The following PEAK1 variants were observed in gnomAD, a reference collection of about 807,000 sequenced individuals.
PEAK1 encodes pseudopodium enriched atypical kinase 1, also known as inactive tyrosine-protein kinase PEAK1.
In PEAK1, 54 loss-of-function variants were observed where a neutral mutation model predicts 124.7. The observed-to-expected ratio is 0.43, with a 90% confidence interval of 0.35 to 0.54. The LOEUF is 0.54. Ranked by LOEUF, PEAK1 falls within the 20% of genes least tolerant of loss-of-function variation. The pLI is 0.01. For missense variants in PEAK1, 2,046 were observed against 2,134.5 expected (o/e 0.96, Z 0.82); for synonymous variants, 719 against 760.0 (o/e 0.95, Z 0.89).
chr15:77,302,259 G>A (rs148814369), intron 2 of PEAK1, among the ~76,000 whole-genome samples: 220 of 152,142 alleles, frequency 1.4e-3, no homozygotes, highest in Non-Finnish European at 1.7e-3. Flanking sequence ...TTGACTTAGT[G>A]TACATTGTAA....
At chr15:77,347,465 C>G in intron 2 of PEAK1, 1 of 985,356 alleles carries the variant, frequency 1.0e-6, no homozygotes, top group Non-Finnish European at 1.2e-6. Context: ...AGATCAACAT[C>G]TAGGGCTGGC....
chr15:77,304,622 G>T (rs1271330090), intron 2 of PEAK1, among the ~76,000 whole-genome samples: 4 of 151,560 alleles, frequency 2.6e-5, no homozygotes, highest in Non-Finnish European at 5.9e-5. Context: ...CAATTTTTTT[G>T]TATTTTTAGT....
chr15:77,302,300 A>T (rs1217574650), intron 2 of PEAK1, among the ~76,000 whole-genome samples: 3 of 152,188 alleles, frequency 2.0e-5, no homozygotes. Flanking sequence ...ATATACATAT[A>T]TCTATAAACA....
chr15:77,219,194 C>T (rs923877552), intron 6 of PEAK1, among the ~76,000 whole-genome samples: 2 of 151,912 alleles, frequency 1.3e-5, no homozygotes, highest in African/African-American at 4.8e-5. Flanking sequence ...GAGGCAGTTC[C>T]AGAAGTGCAG....
chr15:77,274,124 CT>C (rs2062181483), intron 5 of PEAK1, among the ~76,000 whole-genome samples: 1 of 152,096 alleles, frequency 6.6e-6, no homozygotes, highest in Admixed American at 6.6e-5. Flanking sequence ...CAAAAATCCA[CT>C]CGAAATGGAC....
chr15:77,153,916 G>A (rs1489775804), intron 8 of PEAK1, among the ~76,000 whole-genome samples: 11 of 152,080 alleles, frequency 7.2e-5, no homozygotes, highest in African/African-American at 2.4e-4. Context: ...TATGTGGTCA[G>A]TTTTGGAATA....
chr15:77,348,717 C>T (rs2067020889), intron 2 of PEAK1: 2 of 984,618 alleles, frequency 2.0e-6, no homozygotes, highest in African/African-American at 1.8e-5. Flanking sequence ...AAACCCAAGG[C>T]ACCAAAGTCA....
chr15:77,322,038 A>C (rs1259305086), intron 2 of PEAK1, among the ~76,000 whole-genome samples: 1 of 152,268 alleles, frequency 6.6e-6, no homozygotes, highest in Non-Finnish European at 1.5e-5. Flanking sequence ...TACTGGATAC[A>C]TAACGAAATG....
intron 1 of PEAK1, among the ~76,000 whole-genome samples, chr15:77,416,683 C>A (rs534847129): frequency 6.6e-6 from 1 of 152,172 alleles, no homozygotes; most frequent in Non-Finnish European, 1.5e-5. Context: ...GCTGTCCACT[C>A]ACCTGCAGCT....
At chr15:77,279,147 T>C (rs1037180627) in intron 5 of PEAK1, among the ~76,000 whole-genome samples, 1 of 151,594 alleles carries the variant, frequency 6.6e-6, no homozygotes, top group Non-Finnish European at 1.5e-5. Context: ...TTCAAAGCTA[T>C]GCTGTTAGCA....
chr15:77,418,508 T>C, intron 1 of PEAK1: 7 of 985,068 alleles, frequency 7.1e-6, no homozygotes, highest in Non-Finnish European at 8.4e-6. Context: ...TGACTTCTAC[T>C]TCCATTGTTC....
chr15:77,392,960 C>A (rs1295874539), intron 1 of PEAK1, among the ~76,000 whole-genome samples: 1 of 152,196 alleles, frequency 6.6e-6, no homozygotes, highest in Admixed American at 6.5e-5. Context: ...TGTGCACTTG[C>A]GGGGAAAGAG....
At position 77,110,078 on chromosome 15, in the gene PEAK1, T is replaced by C. The variant is rs1434288112; in HGVS notation, c.*4078A>G. ...CATAACTCAAAATTGAGACGCTTAG[T>C]AGGACCCAAAGATCTTTCCTGGAAA... On this transcript the variant is annotated 3_prime_UTR_variant, in exon 10 of 10. Transcript: ENST00000682557. 1 of 152,186 alleles carries C rather than the reference T, an allele frequency of 6.6e-6. No homozygotes were observed. Among genetic ancestry groups the C allele is most frequent in the African/African-American group, 2.4e-5 (1 of 41,454 alleles). 9.4% of individuals were successfully genotyped at this position (152,186 alleles called of 1,614,324 possible). A position where few individuals can be genotyped will look rare whatever the true frequency, so the allele number is the denominator to read the frequency against.
intron 9 of PEAK1, among the ~76,000 whole-genome samples, chr15:77,119,045 AGGCTGCT>A (rs58635389): frequency 1.3e-3 from 104 of 80,180 alleles, no homozygotes; most frequent in South Asian, 3.3e-3. Context: ...GAACAAAACC[AGGCTGCT>A]GAAGGTTGAA....
chr15:77,415,368 A>C (rs2072787845), intron 1 of PEAK1, among the ~76,000 whole-genome samples: 1 of 152,158 alleles, frequency 6.6e-6, no homozygotes, highest in Non-Finnish European at 1.5e-5. Context: ...TAAACTACAG[A>C]CTATCTTTTT....
intron 1 of PEAK1, chr15:77,371,508 TACCACCACCACCACCACCACCACC>T: frequency 1.5e-6 from 1 of 674,274 alleles, no homozygotes; most frequent in Non-Finnish European, 1.8e-6. Flanking sequence ...ACTACACACA[TACCACCACCACCACCACCACCACC>T]ACCACCATCA....
At chr15:77,354,997 C>T (rs2067425766) in intron 2 of PEAK1, among the ~76,000 whole-genome samples, 1 of 151,834 alleles carries the variant, frequency 6.6e-6, no homozygotes, top group African/African-American at 2.4e-5. Flanking sequence ...CAAGATAGCG[C>T]CACTGCACTC....
At chr15:77,411,463 AC>A (rs2072405606) in intron 1 of PEAK1, among the ~76,000 whole-genome samples, 1 of 152,236 alleles carries the variant, frequency 6.6e-6, no homozygotes, top group Non-Finnish European at 1.5e-5. Context: ...AGAAACTTCT[AC>A]TGGTTGATAA....
At chr15:77,244,735 T>C (rs1034710757) in intron 6 of PEAK1, among the ~76,000 whole-genome samples, 1 of 151,998 alleles carries the variant, frequency 6.6e-6, no homozygotes, top group African/African-American at 2.4e-5. Context: ...ACTAAAGGCA[T>C]GCACCACCAT....
Sources: allele counts gnomAD v4.1 joint callset (sites outside exome capture counted in the v4.1 genomes callset), GRCh38; gene constraint gnomAD v4.1.1; transcripts MANE v1.5; gene names NCBI Gene and HGNC (gene_info 2026-07-23, HGNC 2026-07-21).